The following LSG1 variants were observed in gnomAD, a reference collection of about 807,000 sequenced individuals.
LSG1 encodes the protein large subunit GTPase 1 homolog.
Under a neutral mutation model 82.6 loss-of-function variants are expected in LSG1, and 55 were observed. The observed-to-expected ratio is 0.67, with a 90% CI of 0.54 to 0.83. The LOEUF is 0.83. LSG1 is among the 40% of genes least tolerant of loss of function. The pLI, the probability that LSG1 is intolerant of heterozygous loss-of-function variation, is 0.00. For missense variants in LSG1, 809 were observed against 807.9 expected (o/e 1.00, Z -0.02); for synonymous variants, 272 against 282.5 (o/e 0.96, Z 0.37).
chr3:194,644,756 C>T lies in LSG1; in HGVS notation c.1624-10G>A, dbSNP rs1371366064. 7 of 1,597,330 alleles carry T rather than the reference C, an allele frequency of 4.4e-6. No individual in the cohort carries two copies. Among genetic ancestry groups the T allele is most frequent in the South Asian group, 1.1e-5 (1 of 87,810 alleles). On this transcript the variant is annotated splice_polypyrimidine_tract_variant and intron_variant, in intron 12 of 13. Coordinates refer to ENST00000265245, the MANE Select transcript of LSG1 (RefSeq NM_018385.3). ...AGTACAGCAGCTTACCCTACAAAGA[C>T]AACATGAATGACAACAGTGCAGCCT...
At chr3:194,671,877 TCCTA>T (rs1719144592) in intron 1 of LSG1, 183 bp downstream of exon 1, 1 of 648,648 alleles carries the variant, frequency 1.5e-6, no homozygotes, top group Non-Finnish European at 2.7e-6. Context: ...TTCAAGCTTC[TCCTA>T]CCTTTGTGTT....
intron 2 of LSG1, among the ~76,000 whole-genome samples, chr3:194,668,092 T>A (rs775148568): frequency 1.3e-5 from 2 of 151,720 alleles, no homozygotes; most frequent in Non-Finnish European, 2.9e-5. Flanking sequence ...AATATTTTCA[T>A]CACTCCAAAA....
At chr3:194,669,232 T>C (rs1269310077) in intron 2 of LSG1, among the ~76,000 whole-genome samples, 1 of 152,230 alleles carries the variant, frequency 6.6e-6, no homozygotes, top group African/African-American at 2.4e-5. Flanking sequence ...TGTGAGGTGA[T>C]GGATACGTTA....
At chr3:194,645,567 CACAG>C (rs773395505) in intron 12 of LSG1, among the ~76,000 whole-genome samples, 2 of 52,692 alleles carry the variant, frequency 3.8e-5, no homozygotes, top group East Asian at 6.4e-4. Context: ...CACACACACA[CACAG>C]ACAGACACAC....
rs766859057 is a variant in LSG1, at chr3:194,666,487, A to C, written c.312T>G (p.His104Gln). The C allele has an allele frequency of 1.9e-5, 31 of 1,614,114 alleles. 1 individual carries two copies. In the South Asian group the frequency reaches 2.7e-4, roughly 14 times the overall value. The change falls in exon 3 of 14, where the codon CAT (histidine) becomes CAG (glutamine). Residue 104 changes from histidine to glutamine, a missense_variant. His to Gln is a conservative substitution (Grantham distance 24, BLOSUM62 0). Transcript: ENST00000265245. ...TACACAAGAACTGTTTGTTTTCTTC[A>C]TGGAGCTTCTTAATTCTCTGGCTCT... ...FEESQRIKKL[H>Q]EENKQFLCIP... is the part of the protein sequence containing the mutation.
rs1251148314 is a variant in LSG1, at chr3:194,642,213, G to C, written c.1832C>G (p.Ala611Gly). The change falls in exon 14 of 14, where the codon GCT (alanine) becomes GGT (glycine). Residue 611 changes from alanine to glycine, a missense_variant. Coordinates refer to ENST00000265245, the MANE Select transcript of LSG1 (RefSeq NM_018385.3). ...NVRALTKGVQ[A>G]VMGYKPGSGV... ...ACTCCCGGGCTTGTAACCCATCACA[G>C]CCTGGACTCCTTTGGTCAAAGCCCT... 1.4e-5 allele frequency: 23 copies of C among 1,613,912 alleles called. No individual in the cohort carries two copies. Among genetic ancestry groups the C allele is most frequent in the African/African-American group, 2.7e-5 (2 of 74,894 alleles).
rs548863247 is a variant in LSG1 at position 194,670,670 on chromosome 3, G to A, written c.100-535C>T. ...CATTCTGATATTTCTCTATCTTGCTGGGGAAAAAATAAAAACAAAACAAAA... is the reference window on the plus strand; with the variant it reads ...CATTCTGATATTTCTCTATCTTGCTAGGGAAAAAATAAAAACAAAACAAAA... On this transcript the variant is annotated intron_variant, in intron 1 of 13. Coordinates refer to ENST00000265245, the MANE Select transcript of LSG1 (RefSeq NM_018385.3). 1.1e-4 allele frequency among the ~76,000 whole-genome samples: 17 copies of A among 152,112 alleles called. No individual in the cohort carries two copies. The South Asian group carries it at 3.1e-3, about 28-fold the overall frequency.
At chr3:194,650,550 T>A (rs1040269276) in intron 10 of LSG1, among the ~76,000 whole-genome samples, 4 of 152,216 alleles carry the variant, frequency 2.6e-5, no homozygotes, top group Admixed American at 1.3e-4. Context: ...TGAGATAGAT[T>A]TTCCCCCACT....
chr3:194,643,831 G>A (rs1033047513), intron 13 of LSG1, among the ~76,000 whole-genome samples: 2 of 152,168 alleles, frequency 1.3e-5, no homozygotes, highest in African/African-American at 2.4e-5. Flanking sequence ...TAAACAAAAT[G>A]TGGCATATCT....
chr3:194,652,883 G>C lies in LSG1; in HGVS notation c.1019C>G (p.Ser340Cys). 6 of 1,614,102 alleles carry C rather than the reference G, an allele frequency of 3.7e-6. No homozygotes were observed. The highest frequency in any genetic ancestry group is 5.1e-6 in the Non-Finnish European group (6 of 1,180,038). Residue 340 changes from serine (S) to cysteine (C), a missense_variant, in exon 8 of 14, where the codon TCT becomes TGT. Ser to Cys is a moderately radical substitution (Grantham distance 112). Transcript: ENST00000265245. ...EDCSQDWKES[S>C]TADSEARSRK... ...GCTCCGAGCCTCAGAATCTGCAGTA[G>C]AGCTTTCCTTCCAGTCCTGGCTGCA...
chr3:194,641,942 C>T lies in LSG1; in HGVS notation c.*126G>A. The T allele has an allele frequency of 9.9e-7, 1 of 1,006,724 alleles. No individual in the cohort carries two copies. The allele number at this position is 1,006,724 out of a possible 1,614,324, so 62.4% of individuals were successfully genotyped here. On this transcript the variant is annotated 3_prime_UTR_variant, in exon 14 of 14. Coordinates refer to ENST00000265245, the MANE Select transcript of LSG1 (RefSeq NM_018385.3). Reference sequence around the variant, plus strand: ...TTGACATGGAGACTGTTGGGTGCAGCCGTGCTCTGCAAGAGCAGGGCCCGT... The same window carrying T: ...TTGACATGGAGACTGTTGGGTGCAGTCGTGCTCTGCAAGAGCAGGGCCCGT...
rs1401912647 is a variant in LSG1, at chr3:194,641,465, T to C, written c.*603A>G. On this transcript the variant is annotated 3_prime_UTR_variant, in exon 14 of 14. Coordinates refer to ENST00000265245, the MANE Select transcript of LSG1 (RefSeq NM_018385.3). The stretch of plus-strand genomic sequence containing the variant: ...GCTTCCCTGTCACCCGGTGGTTACA[T>C]TCTACATGTTCCTTAGTGGACGTGA... 1 of 152,188 alleles carries C rather than the reference T, an allele frequency of 6.6e-6. No individual in the cohort carries two copies. The highest frequency in any genetic ancestry group is 1.5e-5 in the Non-Finnish European group (1 of 68,054). The allele number at this position is 152,188 out of a possible 1,614,324, so 9.4% of individuals were successfully genotyped here.
At chr3:194,658,729 C>T (rs1248291315) in intron 7 of LSG1, among the ~76,000 whole-genome samples, 1 of 152,110 alleles carries the variant, frequency 6.6e-6, no homozygotes, top group Non-Finnish European at 1.5e-5. Context: ...TTTAAAAATA[C>T]AGCTAATATC....
In LSG1 at chr3:194,641,987, G is replaced by A; in HGVS notation, c.*81C>T. 1 of 1,475,996 alleles carries A rather than the reference G, an allele frequency of 6.8e-7. No homozygotes were observed. Among genetic ancestry groups the A allele is most frequent in the Non-Finnish European group, 9.3e-7 (1 of 1,078,704 alleles). 91.4% of individuals were successfully genotyped at this position (1,475,996 alleles called of 1,614,324 possible). The stretch of plus-strand genomic sequence containing the variant: ...GCCCGTTCTACAGTGCTAGTGTCTT[G>A]GGACGGTTCCACAGGCAACAGGCAG... On this transcript the variant is annotated 3_prime_UTR_variant, in exon 14 of 14. Transcript: ENST00000265245.
At position 194,672,084 on chromosome 3, in the gene LSG1, G is replaced by A. The variant is rs1327413422; in HGVS notation, c.79C>T (p.His27Tyr). ...CTTACCCAGGAGTCAGTGTGACGAT[G>A]GCTTCGGCTCCGCTGAGTCTGATGG... ...MRHQTQRSRS[H>Y]RHTDSWLHTS... The change falls in exon 1 of 14, where the codon CAT becomes TAT. Residue 27 changes from histidine (H) to tyrosine (Y), a missense_variant. By Grantham distance (83) the His-to-Tyr change is moderately conservative. Coordinates refer to ENST00000265245, the MANE Select transcript of LSG1 (RefSeq NM_018385.3). The A allele has an allele frequency of 2.5e-6, 4 of 1,611,980 alleles. No homozygotes were observed. The highest frequency in any genetic ancestry group is 1.1e-5 in the South Asian group (1 of 91,080).
rs1324630111 is a variant in LSG1 at position 194,650,851 on chromosome 3, A to G, written c.1419+30T>C. 3 of 1,594,186 alleles carry G rather than the reference A, an allele frequency of 1.9e-6. No homozygotes were observed. In the Admixed American group the frequency reaches 5.2e-5, roughly 28 times the overall value. ...CTGAAGCCCTAATATGCACGTAATAACTAGAGTGTTTCCAAAGCAGAAAGG... is the reference window on the plus strand; with the variant it reads ...CTGAAGCCCTAATATGCACGTAATAGCTAGAGTGTTTCCAAAGCAGAAAGG... On this transcript the variant is annotated intron_variant, in intron 10 of 13. Transcript: ENST00000265245.
At chr3:194,663,918 CTT>C (rs1718981555) in intron 5 of LSG1, among the ~76,000 whole-genome samples, 1 of 152,186 alleles carries the variant, frequency 6.6e-6, no homozygotes, top group African/African-American at 2.4e-5. Flanking sequence ...ATTCAAGTGA[CTT>C]TGTCATCACC....
At chr3:194,659,185 G>T (rs1560226357) in intron 6 of LSG1, 52 bp from the exon 7 acceptor site, 8 of 1,445,642 alleles carry the variant, frequency 5.5e-6, no homozygotes, top group Non-Finnish European at 7.6e-6. Flanking sequence ...GTAAAAAAAT[G>T]AGGCTAATTA....
At chr3:194,668,383 T>C (rs1577260850) in intron 2 of LSG1, among the ~76,000 whole-genome samples, 1 of 152,212 alleles carries the variant, frequency 6.6e-6, no homozygotes, top group Non-Finnish European at 1.5e-5. Flanking sequence ...TACACCATTT[T>C]ATACTCCCAC....
Sources: gnomAD v4.1 joint callset for allele counts (sites outside exome capture counted in the v4.1 genomes callset) on GRCh38, gnomAD v4.1.1 for gene constraint, MANE v1.5 for transcripts, NCBI Gene and HGNC (gene_info 2026-07-23, HGNC 2026-07-21) for gene names.